Variants in GSE1 observed in about 807,000 individuals in gnomAD.
The protein encoded by GSE1 is genetic suppressor element 1.
GSE1 carries 32 observed loss-of-function variants against 112.6 expected under a neutral mutation model. The ratio of observed to expected loss-of-function variants is 0.28; its 90% CI spans 0.21 to 0.38. The LOEUF is 0.38. Ranked by LOEUF, GSE1 falls within the 10% of genes least tolerant of loss-of-function variation. GSE1 has a pLI of 1.00. For missense variants in GSE1, 2,348 were observed against 1,699.2 expected, an observed-to-expected ratio of 1.38 and a Z score of -6.71; for synonymous variants, 1,115 against 735.6, an observed-to-expected ratio of 1.52 and a Z score of -8.35.
At chr16:85,220,545 C>G (rs2075373005) in intron 1 of GSE1, among the ~76,000 whole-genome samples, 1 of 152,236 alleles carries the variant, frequency 6.6e-6, no homozygotes, top group African/African-American at 2.4e-5. Flanking sequence ...TTTTCAATGA[C>G]TTTGGTCGTC....
At chr16:85,645,274 G>A (rs1049424451) in intron 2 of GSE1, among the ~76,000 whole-genome samples, 2 of 152,136 alleles carry the variant, frequency 1.3e-5, no homozygotes, top group Non-Finnish European at 2.9e-5. Flanking sequence ...CTGGTGGGTG[G>A]GAGCGTGATG....
At chr16:85,588,817 T>G (rs575100227) in intron 1 of GSE1, among the ~76,000 whole-genome samples, 5 of 152,214 alleles carry the variant, frequency 3.3e-5, no homozygotes, top group Admixed American at 3.3e-4. Context: ...ACAGCCCAGA[T>G]AAGCACCCGA....
At chr16:85,505,149 G>C (rs772500067) in intron 2 of GSE1, among the ~76,000 whole-genome samples, 2 of 152,306 alleles carry the variant, frequency 1.3e-5, no homozygotes, top group Non-Finnish European at 2.9e-5. Flanking sequence ...CCTAGGGATG[G>C]ACTCTCTGGC....
chr16:85,660,478 T>C (rs1445803552), intron 8 of GSE1, among the ~76,000 whole-genome samples: 1 of 151,894 alleles, frequency 6.6e-6, no homozygotes. Context: ...CTCTACTAAA[T>C]AGGAAAAATT....
intron 1 of GSE1, among the ~76,000 whole-genome samples, chr16:85,179,001 T>C (rs893726496): frequency 6.6e-6 from 1 of 152,074 alleles, no homozygotes; most frequent in African/African-American, 2.4e-5. Flanking sequence ...TTGTTTTAAT[T>C]GTGATACAAT....
At chr16:85,612,235 T>A (rs570156174), upstream of GSE1, among the ~76,000 whole-genome samples, 3 of 104,824 alleles carry the variant, frequency 2.9e-5, no homozygotes, top group Non-Finnish European at 6.1e-5. Context: ...CCCGCCGCGA[T>A]GGGGTGGGGG....
chr16:85,349,266 C>T (rs1462243205), intron 1 of GSE1, among the ~76,000 whole-genome samples: 1 of 152,184 alleles, frequency 6.6e-6, no homozygotes, highest in Non-Finnish European at 1.5e-5. Flanking sequence ...TTTGGAGCCT[C>T]TGCTTGCCAT....
At chr16:85,558,677 G>T (rs1242545387) in intron 1 of GSE1, among the ~76,000 whole-genome samples, 3 of 152,222 alleles carry the variant, frequency 2.0e-5, no homozygotes, top group Non-Finnish European at 4.4e-5. Flanking sequence ...GCCTGTGGAT[G>T]CAGGCTTTCC....
intron 2 of GSE1, among the ~76,000 whole-genome samples, chr16:85,368,063 G>A (rs555230379): frequency 6.8e-4 from 104 of 152,022 alleles, no homozygotes; most frequent in East Asian, 1.9e-4. Flanking sequence ...CATGTTGGTC[G>A]GGCTGGTCTC....
At chr16:85,586,788 G>A (rs1399152998) in intron 1 of GSE1, among the ~76,000 whole-genome samples, 1 of 152,178 alleles carries the variant, frequency 6.6e-6, no homozygotes, top group African/African-American at 2.4e-5. Context: ...GAGCCGGTGG[G>A]CTCTCCTCCG....
At chr16:85,267,319 A>G (rs1908351749) in intron 1 of GSE1, among the ~76,000 whole-genome samples, 1 of 152,130 alleles carries the variant, frequency 6.6e-6, no homozygotes, top group Admixed American at 6.5e-5. Flanking sequence ...ATAAAAACCC[A>G]GAAGCAAAGT....
chr16:85,532,972 C>A (rs905212352), intron 2 of GSE1, among the ~76,000 whole-genome samples: 3 of 152,210 alleles, frequency 2.0e-5, no homozygotes, highest in Non-Finnish European at 4.4e-5. Flanking sequence ...AAAACCAGCA[C>A]AAACCAGCCC....
rs530567928 is a variant in GSE1 at position 85,502,613 on chromosome 16, G to A, written c.2465-131301G>A. On this transcript the variant is annotated intron_variant, in intron 2 of 2. Coordinates refer to the GSE1 transcript ENST00000637419. ...GGTCTGTGTCTGCCATGGTGGCTGCGAGGCCTCTGCTCTTGAGATCATGAG... is the reference window on the plus strand; with the variant it reads ...GGTCTGTGTCTGCCATGGTGGCTGCAAGGCCTCTGCTCTTGAGATCATGAG... 3.9e-5 allele frequency among the ~76,000 whole-genome samples: 6 copies of A among 152,318 alleles called. No individual in the cohort carries two copies. The South Asian group carries it at 1.0e-3, about 26-fold the overall frequency.
At chr16:85,648,485 C>T (rs1031200804) in intron 2 of GSE1, 67 bp from the exon 3 acceptor site, 2 of 790,280 alleles carry the variant, frequency 2.5e-6, no homozygotes, top group Non-Finnish European at 4.0e-6. Context: ...GAGCCCAGGT[C>T]CCCAGCTGGC....
chr16:85,394,505 G>A (rs182040277), intron 2 of GSE1, among the ~76,000 whole-genome samples: 2 of 152,180 alleles, frequency 1.3e-5, no homozygotes, highest in African/African-American at 4.8e-5. Flanking sequence ...AGCGGCTTGA[G>A]GGGGCTCTGC....
At position 85,350,904 on chromosome 16, in the gene GSE1, C is replaced by T. The variant is rs190166657; in HGVS notation, c.2284-6559C>T. ...AAGTGATTCTCCTGCCTCAGCCTCC[C>T]GAGTAGCTGGGATTACAGGCGCCCA... On this transcript the variant is annotated intron_variant, in intron 1 of 2. Coordinates refer to the GSE1 transcript ENST00000637419. Among the ~76,000 whole-genome samples, 20 of 152,302 alleles carry T rather than the reference C, an allele frequency of 1.3e-4. No homozygotes were observed. In the East Asian group the frequency reaches 3.3e-3, roughly 25 times the overall value.
chr16:85,314,864 A>T (rs923898498), intron 1 of GSE1, among the ~76,000 whole-genome samples: 2 of 151,972 alleles, frequency 1.3e-5, no homozygotes, highest in Non-Finnish European at 2.9e-5. Flanking sequence ...CCATCCTGGG[A>T]CCCTCCCAGC....
intron 1 of GSE1, among the ~76,000 whole-genome samples, chr16:85,309,749 C>G (rs1427545041): frequency 6.6e-6 from 1 of 152,222 alleles, no homozygotes; most frequent in Non-Finnish European, 1.5e-5. Flanking sequence ...TGCTGCAGAG[C>G]CGAGCGGCAG....
chr16:85,412,743 C>G (rs954684952), intron 2 of GSE1, among the ~76,000 whole-genome samples: 1 of 152,066 alleles, frequency 6.6e-6, no homozygotes. Context: ...CCGGATAATC[C>G]TCACCGTTGC....
Sources: allele counts gnomAD v4.1 joint callset (sites outside exome capture counted in the v4.1 genomes callset), GRCh38; gene constraint gnomAD v4.1.1; transcripts MANE v1.5; gene names NCBI Gene and HGNC (gene_info 2026-07-23, HGNC 2026-07-21).